Variants in ARHGAP24 observed in about 807,000 individuals in gnomAD.
ARHGAP24 encodes rho GTPase-activating protein 24.
A neutral mutation model predicts 76.4 loss-of-function variants in ARHGAP24; 50 were observed. That is an observed-to-expected ratio of 0.65 (90% CI 0.52 to 0.83). The LOEUF is 0.83. Among genes scored for constraint, ARHGAP24 ranks in the 40% least tolerant of loss-of-function variants. The pLI is 0.00. For missense variants in ARHGAP24, 930 were observed against 914.2 expected (o/e 1.02, Z -0.22); for synonymous variants, 345 against 323.3 (o/e 1.07, Z -0.72).
chr4:85,580,264 G>A (rs1727555102), intron 2 of ARHGAP24, among the ~76,000 whole-genome samples: 1 of 152,082 alleles, frequency 6.6e-6, no homozygotes, highest in African/African-American at 2.4e-5. Flanking sequence ...GGTGAGCAAA[G>A]ACAAATGAAT....
At chr4:85,504,811 G>C (rs1049127471) in intron 1 of ARHGAP24, among the ~76,000 whole-genome samples, 4 of 152,272 alleles carry the variant, frequency 2.6e-5, no homozygotes, top group African/African-American at 9.6e-5. Flanking sequence ...TTTCTTCATA[G>C]CATCGATGGT....
At chr4:85,960,653 A>G (rs1738189192) in intron 5 of ARHGAP24, among the ~76,000 whole-genome samples, 1 of 152,196 alleles carries the variant, frequency 6.6e-6, no homozygotes, top group East Asian at 1.9e-4. Flanking sequence ...CATATTTCTG[A>G]TATCTCAGGA....
chr4:85,615,227 T>C (rs76077935), intron 2 of ARHGAP24, among the ~76,000 whole-genome samples: 2,560 of 152,236 alleles, frequency 0.017, 29 homozygotes, highest in Non-Finnish European at 0.026. Context: ...ATACTAACCT[T>C]CTTCTATCTT....
chr4:85,993,049 TC>T (rs1277594860), intron 8 of ARHGAP24, among the ~76,000 whole-genome samples: 1 of 151,900 alleles, frequency 6.6e-6, no homozygotes, highest in Middle Eastern at 3.2e-3. Flanking sequence ...CTCAATTTTC[TC>T]ATCTGAAAAA....
intron 3 of ARHGAP24, among the ~76,000 whole-genome samples, chr4:85,733,071 T>TTTTTTTTTTTTTTTTTG (rs1725474970): frequency 9.1e-6 from 1 of 109,922 alleles, no homozygotes; most frequent in Non-Finnish European, 1.9e-5. Context: ...TTTTTTTTTT[T>TTTTTTTTTTTTTTTTTG]TTTTTTTTTT....
rs768955472 is a variant in ARHGAP24 at position 85,995,449 on chromosome 4, G to A, written c.1795G>A (p.Asp599Asn). ...EDPVLDGPPQ[D>N]DLSHPRDYES... is the part of the protein sequence containing the mutation. ...CCCTGTTTTGGATGGGCCCCCGCAG[G>A]ACGACCTTTCCCACCCCAGGGACTA... The change falls in exon 9 of 10, where the codon GAC (aspartate) becomes AAC (asparagine). Residue 599 changes from aspartate (D) to asparagine (N), a missense_variant. Asp to Asn is a conservative substitution (Grantham distance 23, BLOSUM62 1). Transcript: ENST00000395184. The A allele has an allele frequency of 1.2e-5, 19 of 1,607,812 alleles. No homozygotes were observed. The highest frequency in any genetic ancestry group is 1.4e-5 in the Non-Finnish European group (17 of 1,175,786).
intron 3 of ARHGAP24, among the ~76,000 whole-genome samples, chr4:85,859,243 A>ACACACACAC (rs60830018): frequency 2.0e-5 from 3 of 150,984 alleles, no homozygotes; most frequent in African/African-American, 7.3e-5. Context: ...ACACACACAC[A>ACACACACAC]AGATGTGCTT....
At chr4:85,906,581 G>C (rs1463976034) in intron 3 of ARHGAP24, among the ~76,000 whole-genome samples, 2 of 152,052 alleles carry the variant, frequency 1.3e-5, no homozygotes, top group East Asian at 1.9e-4. Flanking sequence ...CCTAGCTCTA[G>C]CTTTACAAGC....
chr4:85,740,972 ATTCTT>A (rs1394594118), intron 3 of ARHGAP24, among the ~76,000 whole-genome samples: 1 of 152,252 alleles, frequency 6.6e-6, no homozygotes, highest in Non-Finnish European at 1.5e-5. Flanking sequence ...CAGTGCTTGT[ATTCTT>A]TAATTTAATT....
At chr4:85,536,726 C>T (rs1314907389) in intron 1 of ARHGAP24, among the ~76,000 whole-genome samples, 1 of 152,076 alleles carries the variant, frequency 6.6e-6, no homozygotes, top group Non-Finnish European at 1.5e-5. Flanking sequence ...CTTAATTATA[C>T]ATCTTTCGGG....
intron 1 of ARHGAP24, among the ~76,000 whole-genome samples, chr4:85,478,170 G>C (rs1002892384): frequency 6.6e-6 from 1 of 152,100 alleles, no homozygotes; most frequent in African/African-American, 2.4e-5. Context: ...ATTTTATAGA[G>C]GAAAAAGCAG....
intron 2 of ARHGAP24, among the ~76,000 whole-genome samples, chr4:85,589,292 G>A (rs1300902343): frequency 1.3e-5 from 2 of 152,188 alleles, no homozygotes; most frequent in African/African-American, 4.8e-5. Context: ...GTAGAAGATT[G>A]CATTGGGTTG....
At chr4:85,932,919 G>A (rs990733833) in intron 4 of ARHGAP24, among the ~76,000 whole-genome samples, 3 of 152,080 alleles carry the variant, frequency 2.0e-5, no homozygotes, top group African/African-American at 7.2e-5. Context: ...CCAACCCGCC[G>A]CCACCTTGCT....
chr4:85,828,102 T>A, intron 3 of ARHGAP24: 1 of 663,322 alleles, frequency 1.5e-6, no homozygotes, highest in South Asian at 1.5e-5. Context: ...GCGGTTTTAT[T>A]TATACCCTTG....
intron 3 of ARHGAP24, among the ~76,000 whole-genome samples, chr4:85,881,368 T>A (rs1365371649): frequency 6.6e-6 from 1 of 152,246 alleles, no homozygotes; most frequent in African/African-American, 2.4e-5. Flanking sequence ...ATGTGTGTAA[T>A]TTATTTTATA....
At chr4:85,663,700 T>C (rs879747373) in intron 2 of ARHGAP24, among the ~76,000 whole-genome samples, 3,512 of 150,392 alleles carry the variant, frequency 0.023, 120 homozygotes, top group African/African-American at 0.082. Flanking sequence ...CCCATCAATA[T>C]CTAATTTATT....
chr4:85,992,807 A>T (rs1247458465), intron 8 of ARHGAP24, among the ~76,000 whole-genome samples: 1 of 134,468 alleles, frequency 7.4e-6, no homozygotes, highest in East Asian at 2.1e-4. Context: ...CAATTATTAC[A>T]TTGTCTTTTT....
At chr4:85,542,996 G>A (rs781133688) in intron 1 of ARHGAP24, among the ~76,000 whole-genome samples, 11 of 152,120 alleles carry the variant, frequency 7.2e-5, no homozygotes, top group Non-Finnish European at 1.5e-4. Flanking sequence ...AATATATAAC[G>A]TTTGCTCTTG....
intron 1 of ARHGAP24, among the ~76,000 whole-genome samples, chr4:85,564,701 G>A (rs1726756075): frequency 6.6e-6 from 1 of 151,348 alleles, no homozygotes; most frequent in African/African-American, 2.4e-5. Context: ...CTCATAAGGA[G>A]CGCACGACCT....
Sources: allele counts gnomAD v4.1 joint callset (sites outside exome capture counted in the v4.1 genomes callset), GRCh38; gene constraint gnomAD v4.1.1; transcripts MANE v1.5; gene names NCBI Gene and HGNC (gene_info 2026-07-23, HGNC 2026-07-21).